Variants in CUEDC2 observed in about 807,000 individuals in gnomAD.
The protein encoded by CUEDC2 is CUE domain containing 2, also known as CUE domain-containing protein 2.
Under a neutral mutation model 36.0 loss-of-function variants are expected in CUEDC2, and 10 were observed. That is an observed-to-expected ratio of 0.28 (90% CI 0.17 to 0.47). The LOEUF (loss-of-function observed/expected upper bound fraction) is 0.47, where lower values mean the gene tolerates loss of function less well. Among genes scored for constraint, CUEDC2 ranks in the 20% least tolerant of loss-of-function variants. The pLI, the probability that CUEDC2 is intolerant of heterozygous loss-of-function variation, is 0.99. For synonymous variants in CUEDC2, 133 were observed against 141.8 expected, an observed-to-expected ratio of 0.94 and a Z score of 0.44; for missense variants, 269 against 368.1, an observed-to-expected ratio of 0.73 and a Z score of 2.20.
chr10:102,426,934 A>G (rs577394650), intron 1 of CUEDC2, among the ~76,000 whole-genome samples: 31 of 152,088 alleles, frequency 2.0e-4, no homozygotes, highest in Middle Eastern at 3.4e-3. Flanking sequence ...AAGTGCTGGG[A>G]TTACAGCCAT....
chr10:102,432,403 C>CA (rs2061619650), intron 1 of CUEDC2, 123 bp downstream of exon 1: 1 of 151,524 alleles, frequency 6.6e-6, no homozygotes, highest in African/African-American at 2.4e-5. Flanking sequence ...CGGCGAGAAT[C>CA]AGAGATGGGG....
chr10:102,424,602 C>T lies in CUEDC2; in HGVS notation c.219-42G>A, dbSNP rs750486565. On this transcript the variant is annotated intron_variant, in intron 3 of 8. Transcript: ENST00000369937. The surrounding 1 kb of genome is among the most constrained non-coding windows in gnomAD (Gnocchi z 4.2). The stretch of plus-strand genomic sequence containing the variant: ...AGTGAGAGGATGACTCTGCCCACCC[C>T]ATAATCAGCCAGCCCCTTCCTCCTC... 2 of 1,614,210 alleles carry T rather than the reference C, an allele frequency of 1.2e-6. No individual in the cohort carries two copies. The highest frequency in any genetic ancestry group is 2.2e-5 in the South Asian group (2 of 91,086).
At position 102,423,809 on chromosome 10, in the gene CUEDC2, G is replaced by A. The variant is rs1589906275; in HGVS notation, c.645C>T (p.Phe215=). The A allele has an allele frequency of 6.2e-7, 1 of 1,613,994 alleles. No individual in the cohort carries two copies. The highest frequency in any genetic ancestry group is 2.2e-5 in the East Asian group (1 of 44,884). Residue 215 remains phenylalanine, a synonymous_variant, in exon 7 of 9, where the codon TTC becomes TTT. Transcript: ENST00000369937. The surrounding 1 kb of genome is among the most constrained non-coding windows in gnomAD (Gnocchi z 5.6). ...RGPQKDELKS[F]ILQKYMMVDS... The stretch of plus-strand genomic sequence containing the variant: ...CAGCCCAGACTCACTTCTGCAGGAT[G>A]AAGGACTTCAGCTCATCCTTTTGGG...
At position 102,423,952 on chromosome 10, in the gene CUEDC2, A is replaced by G. The variant is rs1186052868; in HGVS notation, c.594+44T>C. Reference sequence around the variant, plus strand: ...GGGTTGGGGCTTAACACCAAGGTGGAATGTAGCTGAGGCTACATGGTAGAG... The same window carrying G: ...GGGTTGGGGCTTAACACCAAGGTGGGATGTAGCTGAGGCTACATGGTAGAG... On this transcript the variant is annotated intron_variant, in intron 6 of 8. Transcript: ENST00000369937. This position sits in a 1 kb window ranked among gnomAD's most constrained non-coding sequence, Gnocchi z 5.6. 5.6e-6 allele frequency: 9 copies of G among 1,604,914 alleles called. No individual in the cohort carries two copies. The highest frequency in any genetic ancestry group is 1.7e-5 in the Admixed American group (1 of 59,312).
At chr10:102,426,359 G>A (rs548591052) in intron 1 of CUEDC2, among the ~76,000 whole-genome samples, 18 of 152,202 alleles carry the variant, frequency 1.2e-4, no homozygotes, top group African/African-American at 3.6e-4. Context: ...AGAAGGCTCC[G>A]AGGCACCACC....
chr10:102,425,352 G>A (rs1260722885), intron 1 of CUEDC2, among the ~76,000 whole-genome samples, 154 bp from the exon 2 acceptor site: 14 of 138,048 alleles, frequency 1.0e-4, no homozygotes, highest in African/African-American at 2.5e-4. Context: ...CCCCTCCTCC[G>A]CCCATCTCAC....
In CUEDC2 at chr10:102,424,378, C is replaced by T; in HGVS notation, c.297G>A (p.Gln99=). The stretch of plus-strand genomic sequence containing the variant: ...GCACCTGACCTTGGACACCAGAGCT[C>T]TGCGGTTGCAGGTTCTCTTAAAGAG... ...DARNKENLQP[Q]SSGVQGQVPI... Residue 99 remains glutamine (Q), a synonymous_variant, in exon 5 of 9, where the codon CAG becomes CAA. Transcript: ENST00000369937. The surrounding 1 kb of genome is among the most constrained non-coding windows in gnomAD (Gnocchi z 4.2). The T allele has an allele frequency of 6.2e-7, 1 of 1,614,116 alleles. No individual in the cohort carries two copies. The highest frequency in any genetic ancestry group is 8.5e-7 in the Non-Finnish European group (1 of 1,179,986).
chr10:102,429,550 G>C (rs2061609074), intron 1 of CUEDC2, among the ~76,000 whole-genome samples: 1 of 150,418 alleles, frequency 6.6e-6, no homozygotes, highest in Non-Finnish European at 1.5e-5. Context: ...CATAGCACAG[G>C]GGTCACTTTG....
intron 1 of CUEDC2, among the ~76,000 whole-genome samples, chr10:102,426,872 G>C (rs962314550): frequency 6.6e-6 from 1 of 151,890 alleles, no homozygotes; most frequent in African/African-American, 2.4e-5. Flanking sequence ...TCGAGACCCA[G>C]GCTGGTCTCG....
rs1034172002 is a variant in CUEDC2, at chr10:102,423,421, G to A, written c.*5C>T. The A allele has an allele frequency of 3.7e-6, 6 of 1,614,100 alleles. No individual in the cohort carries two copies. The African/African-American group carries it at 4.0e-5, about 11-fold the overall frequency. On this transcript the variant is annotated 3_prime_UTR_variant, in exon 9 of 9. Transcript: ENST00000369937. This position sits in a 1 kb window ranked among gnomAD's most constrained non-coding sequence, Gnocchi z 5.6. ...AGAAGGCTCGGGCAGAGTCCGGCGA[G>A]TGCCTCAATGGAAGCGGTACTTTCT...
In CUEDC2 at chr10:102,423,469, G is replaced by A; in HGVS notation, c.821C>T (p.Thr274Ile). The A allele has an allele frequency of 1.9e-6, 3 of 1,614,226 alleles. No homozygotes were observed. Among genetic ancestry groups the A allele is most frequent in the Non-Finnish European group, 2.5e-6 (3 of 1,180,040 alleles). The change falls in exon 9 of 9, where the codon ACA becomes ATA. Residue 274 changes from threonine to isoleucine, a missense_variant. Physicochemically the swap from Thr to Ile is moderately conservative, Grantham distance 89 (BLOSUM62 -1). Transcript: ENST00000369937. The surrounding 1 kb of genome is among the most constrained non-coding windows in gnomAD (Gnocchi z 5.6). ...TCTGGCTGGCTTGAGGTTGATGTAT[G>A]TGGCCTTCATCTCCTCGGCCTCAGG... Reference protein sequence around the residue: ...RNPEAEEMKATYINLKPARKY... With the variant: ...RNPEAEEMKAIYINLKPARKY...
At chr10:102,430,845 G>C (rs1323764863) in intron 1 of CUEDC2, among the ~76,000 whole-genome samples, 1 of 152,176 alleles carries the variant, frequency 6.6e-6, no homozygotes, top group East Asian at 1.9e-4. Flanking sequence ...CCCTTCTCCA[G>C]GGTAAGAACA....
intron 1 of CUEDC2, 99 bp downstream of exon 1, chr10:102,432,427 C>CG (rs397970767): frequency 0.25 from 37,950 of 151,600 alleles, 5,066 homozygotes; most frequent in African/African-American, 0.36. Context: ...CGACGGGCCC[C>CG]GGGGGGGGTA....
At chr10:102,431,822 C>G (rs2061617512) in intron 1 of CUEDC2, among the ~76,000 whole-genome samples, 1 of 152,152 alleles carries the variant, frequency 6.6e-6, no homozygotes, top group African/African-American at 2.4e-5. Flanking sequence ...GCAGCACAGG[C>G]CTGGACCCTC....
chr10:102,429,141 C>G (rs1234061196), intron 1 of CUEDC2, among the ~76,000 whole-genome samples: 1 of 152,182 alleles, frequency 6.6e-6, no homozygotes, highest in East Asian at 1.9e-4. Context: ...ATTACACTCT[C>G]TATGCAGGCT....
At position 102,424,853 on chromosome 10, in the gene CUEDC2, C is replaced by A; in HGVS notation, c.75-61G>T. On this transcript the variant is annotated intron_variant, in intron 2 of 8. Coordinates refer to ENST00000369937, the MANE Select transcript of CUEDC2 (RefSeq NM_024040.3). This position sits in a 1 kb window ranked among gnomAD's most constrained non-coding sequence, Gnocchi z 4.2. Reference sequence around the variant, plus strand: ...CACTGGATGCCTCCAGCACCCCCACCTATCCTGAGACTCCAGCCCTCAGCT... The same window carrying A: ...CACTGGATGCCTCCAGCACCCCCACATATCCTGAGACTCCAGCCCTCAGCT... 6.4e-7 allele frequency: 1 copy of A among 1,565,928 alleles called. No homozygotes were observed. The highest frequency in any genetic ancestry group is 1.4e-5 in the African/African-American group (1 of 73,450).
At chr10:102,426,795 T>TTTG (rs896335779) in intron 1 of CUEDC2, among the ~76,000 whole-genome samples, 4 of 151,864 alleles carry the variant, frequency 2.6e-5, no homozygotes, top group South Asian at 2.1e-4. Flanking sequence ...CTACTAGTTT[T>TTTG]TTGTTGTTGT....
In CUEDC2 at chr10:102,423,692, C is replaced by A; in HGVS notation, c.682G>T (p.Asp228Tyr). The stretch of plus-strand genomic sequence containing the variant: ...GCCATGGGCCGGTGAATCTTCTGAT[C>A]CTCTGCGCTATCCACCATCATGTAC... ...QKYMMVDSAEDQKIHRPMAPK... is the reference protein window; with the variant it reads ...QKYMMVDSAEYQKIHRPMAPK... Residue 228 changes from aspartate to tyrosine, a missense_variant, in exon 8 of 9, where the codon GAT becomes TAT. Physicochemically the swap from Asp to Tyr is radical, Grantham distance 160. Transcript: ENST00000369937. This position sits in a 1 kb window ranked among gnomAD's most constrained non-coding sequence, Gnocchi z 5.6. 1.2e-6 allele frequency: 2 copies of A among 1,614,218 alleles called. No individual in the cohort carries two copies. The highest frequency in any genetic ancestry group is 2.2e-5 in the South Asian group (2 of 91,088).
At chr10:102,427,346 T>C (rs2061600863) in intron 1 of CUEDC2, among the ~76,000 whole-genome samples, 1 of 152,178 alleles carries the variant, frequency 6.6e-6, no homozygotes, top group Admixed American at 6.5e-5. Flanking sequence ...AATTCCCAAA[T>C]GTCCAGTCCT....
Sources: gnomAD v4.1 joint callset for allele counts (sites outside exome capture counted in the v4.1 genomes callset) on GRCh38, gnomAD v4.1.1 for gene constraint, Gnocchi (gnomAD v3.1) non-coding constraint, MANE v1.5 for transcripts, NCBI Gene and HGNC (gene_info 2026-07-23, HGNC 2026-07-21) for gene names.